UBE2QL1: variants seen among roughly 807,000 people sequenced by gnomAD.
UBE2QL1 encodes the protein ubiquitin-conjugating enzyme E2Q-like protein 1.
A neutral mutation model predicts 12.6 loss-of-function variants in UBE2QL1; 5 were observed. That is an observed-to-expected ratio of 0.40 (90% confidence interval 0.21 to 0.83). The LOEUF is 0.83. Ranked by LOEUF, UBE2QL1 falls within the 40% of genes least tolerant of loss-of-function variation. The probability of loss-of-function intolerance (pLI) is 0.37; values close to 1 mark genes in which losing one functional copy is unlikely to be tolerated. For missense variants in UBE2QL1, 99 were observed against 222.6 expected, an observed-to-expected ratio of 0.44 and a Z score of 3.53; for synonymous variants, 96 against 94.5, an observed-to-expected ratio of 1.02 and a Z score of -0.10.
Position 6,495,408 on chromosome 5 carries a change from C to A in UBE2QL1, c.*4059C>A, listed in dbSNP as rs1055319476. ...TAGAGCCACTGAATCTGGAAGACCACTTAGCCTAATTTTACACCCTCTGCA... is the reference window on the plus strand; with the variant it reads ...TAGAGCCACTGAATCTGGAAGACCAATTAGCCTAATTTTACACCCTCTGCA... On this transcript the variant is annotated 3_prime_UTR_variant, in exon 2 of 2. Transcript: ENST00000399816. 1.3e-5 allele frequency among the ~76,000 whole-genome samples: 2 copies of A among 152,202 alleles called. No homozygotes were observed. Among genetic ancestry groups the A allele is most frequent in the Admixed American group, 6.5e-5 (1 of 15,286 alleles).
intron 1 of UBE2QL1, among the ~76,000 whole-genome samples, chr5:6,466,219 C>G (rs1225377507): frequency 6.6e-6 from 1 of 152,202 alleles, no homozygotes; most frequent in African/African-American, 2.4e-5. Flanking sequence ...AAACTGGAAC[C>G]AGGGTCACCT....
At chr5:6,461,545 C>CCA (rs764755848) in intron 1 of UBE2QL1, among the ~76,000 whole-genome samples, 2 of 108,568 alleles carry the variant, frequency 1.8e-5, no homozygotes, top group Non-Finnish European at 3.9e-5. Context: ...CACCCACCAC[C>CCA]CCCCCCCGCC....
rs1486873580 is a variant in UBE2QL1 at position 6,493,648 on chromosome 5, A to G, written c.*2299A>G. On this transcript the variant is annotated 3_prime_UTR_variant, in exon 2 of 2. Coordinates refer to ENST00000399816, the MANE Select transcript of UBE2QL1 (RefSeq NM_001145161.3). ...TGTTAGAAACTTATAGAAGAAATCA[A>G]TTCTTTAGTGAACGAAATACCATTT... 1.3e-5 allele frequency: 2 copies of G among 152,262 alleles called. No homozygotes were observed. Among genetic ancestry groups the G allele is most frequent in the African/African-American group, 4.8e-5 (2 of 41,468 alleles). The allele number at this position is 152,262 out of a possible 1,614,324, so 9.4% of individuals were successfully genotyped here. A position where few individuals can be genotyped will look rare whatever the true frequency, so the allele number is the denominator to read the frequency against.
chr5:6,461,689 C>G (rs1375992921), intron 1 of UBE2QL1, among the ~76,000 whole-genome samples: 2 of 152,096 alleles, frequency 1.3e-5, no homozygotes, highest in Admixed American at 6.6e-5. Context: ...CAAATAGAAA[C>G]AGACCTGCCC....
At position 6,464,950 on chromosome 5, in the gene UBE2QL1, C is replaced by G. The variant is rs746062097; in HGVS notation, c.354+15703C>G. ...ACTACAGAGGCACTGTCGCCAGGCTCAGGCACTTTTTAACTATAACTAGCA... is the reference window on the plus strand; with the variant it reads ...ACTACAGAGGCACTGTCGCCAGGCTGAGGCACTTTTTAACTATAACTAGCA... On this transcript the variant is annotated intron_variant, in intron 1 of 1. Transcript: ENST00000399816. Among the ~76,000 whole-genome samples, 79 of 151,950 alleles carry G rather than the reference C, an allele frequency of 5.2e-4. 4 individuals carry two copies. The highest frequency in any genetic ancestry group is 1.6e-4 in the Non-Finnish European group (11 of 67,996).
intron 1 of UBE2QL1, among the ~76,000 whole-genome samples, chr5:6,462,893 T>A (rs1739704634): frequency 6.6e-6 from 1 of 152,254 alleles, no homozygotes. Flanking sequence ...GTAATTTGTT[T>A]GGTCTTAACA....
intron 1 of UBE2QL1, among the ~76,000 whole-genome samples, chr5:6,449,997 C>T (rs1273165896): frequency 1.3e-5 from 2 of 151,876 alleles, no homozygotes; most frequent in Non-Finnish European, 2.9e-5. Context: ...TGGGCTGCCT[C>T]TCCTGGAAAG....
At chr5:6,477,340 G>A (rs1054744706) in intron 1 of UBE2QL1, among the ~76,000 whole-genome samples, 2 of 152,152 alleles carry the variant, frequency 1.3e-5, no homozygotes, top group Non-Finnish European at 2.9e-5. Flanking sequence ...TGCACTGAAG[G>A]TCAGCCTGCT....
rs115115291 is a variant in UBE2QL1 at position 6,471,287 on chromosome 5, C to G, written c.355-19931C>G. ...TGTCTTGAAGACACCAACATGTCTT[C>G]TCTCCTAGTTTCTGTAGTTGAGGAA... On this transcript the variant is annotated intron_variant, in intron 1 of 1. Transcript: ENST00000399816. 1.7e-3 allele frequency among the ~76,000 whole-genome samples: 262 copies of G among 152,344 alleles called. 1 individual carries two copies. The highest frequency in any genetic ancestry group is 5.9e-3 in the African/African-American group (247 of 41,580).
intron 1 of UBE2QL1, among the ~76,000 whole-genome samples, chr5:6,488,841 C>T (rs1327816003): frequency 2.6e-5 from 4 of 151,652 alleles, no homozygotes; most frequent in African/African-American, 4.8e-5. Flanking sequence ...CTAACATCCT[C>T]GCAAAGATGT....
rs1279240088 is a variant in UBE2QL1, at chr5:6,492,404, G to A, written c.*1055G>A. Reference sequence around the variant, plus strand: ...GGGATGGGTGAGCACCCTTGCTGTGGTGTAAACTTCCTGTTATTTAATCTC... The same window carrying A: ...GGGATGGGTGAGCACCCTTGCTGTGATGTAAACTTCCTGTTATTTAATCTC... On this transcript the variant is annotated 3_prime_UTR_variant, in exon 2 of 2. Transcript: ENST00000399816. 6.0e-5 allele frequency: 9 copies of A among 148,850 alleles called. No individual in the cohort carries two copies. Among genetic ancestry groups the A allele is most frequent in the African/African-American group, 2.3e-4 (9 of 38,406 alleles). The allele number at this position is 148,850 out of a possible 1,614,324, so 9.2% of individuals were successfully genotyped here.
chr5:6,462,509 G>A (rs964332784), intron 1 of UBE2QL1, among the ~76,000 whole-genome samples: 1 of 152,186 alleles, frequency 6.6e-6, no homozygotes, highest in Non-Finnish European at 1.5e-5. Context: ...GAGCTGCCAG[G>A]GCCCAGCTCC....
At chr5:6,480,347 T>A (rs149242008) in intron 1 of UBE2QL1, among the ~76,000 whole-genome samples, 261 of 152,354 alleles carry the variant, frequency 1.7e-3, no homozygotes, top group African/African-American at 6.2e-3. Flanking sequence ...TGTCTCAGTA[T>A]GGTTCAGTGA....
At chr5:6,462,152 T>C (rs1218518928) in intron 1 of UBE2QL1, among the ~76,000 whole-genome samples, 1 of 152,158 alleles carries the variant, frequency 6.6e-6, no homozygotes, top group African/African-American at 2.4e-5. Flanking sequence ...AACTGGGTCT[T>C]GGTCAGGACT....
intron 1 of UBE2QL1, among the ~76,000 whole-genome samples, chr5:6,477,526 G>C (rs932613353): frequency 2.6e-5 from 4 of 152,228 alleles, no homozygotes; most frequent in Non-Finnish European, 4.4e-5. Context: ...CAGACTTTAA[G>C]GAAATGGTTG....
At chr5:6,472,825 C>A (rs1355237873) in intron 1 of UBE2QL1, among the ~76,000 whole-genome samples, 4 of 152,138 alleles carry the variant, frequency 2.6e-5, no homozygotes, top group Non-Finnish European at 5.9e-5. Flanking sequence ...TTGGGAAGAC[C>A]ATTTCCTCAC....
At chr5:6,473,677 C>A (rs1437192255) in intron 1 of UBE2QL1, among the ~76,000 whole-genome samples, 2 of 152,264 alleles carry the variant, frequency 1.3e-5, no homozygotes, top group Non-Finnish European at 2.9e-5. Context: ...CAGAAAGTCA[C>A]ATCCCAGTGA....
chr5:6,491,169 A>C, intron 1 of UBE2QL1, 49 bp from the exon 2 acceptor site: 1 of 1,483,264 alleles, frequency 6.7e-7, no homozygotes, highest in Non-Finnish European at 9.0e-7. Context: ...GGTAGGAAAC[A>C]GAATTCCCAG....
intron 1 of UBE2QL1, among the ~76,000 whole-genome samples, chr5:6,467,385 C>A (rs1043559879): frequency 6.6e-6 from 1 of 152,046 alleles, no homozygotes; most frequent in African/African-American, 2.4e-5. Context: ...GGCTGGATCC[C>A]GAGGCTGCTG....
Sources: allele counts gnomAD v4.1 joint callset (sites outside exome capture counted in the v4.1 genomes callset), GRCh38; gene constraint gnomAD v4.1.1; transcripts MANE v1.5; gene names NCBI Gene and HGNC (gene_info 2026-07-23, HGNC 2026-07-21).